The following COL22A1 variants were observed in gnomAD, a reference collection of about 807,000 sequenced individuals.
COL22A1 encodes the protein collagen alpha-1(XXII) chain.
Under a neutral mutation model 248.9 loss-of-function variants are expected in COL22A1, and 221 were observed. The ratio of observed to expected loss-of-function variants is 0.89; its 90% CI spans 0.80 to 0.99. The LOEUF (loss-of-function observed/expected upper bound fraction) is 0.99. Among genes scored for constraint, COL22A1 ranks in the 50% least tolerant of loss-of-function variants. The pLI is 0.00. For synonymous variants in COL22A1, 891 were observed against 793.4 expected (o/e 1.12, Z -2.07); for missense variants, 2,240 against 2,179.0 (o/e 1.03, Z -0.56).
intron 10 of COL22A1, among the ~76,000 whole-genome samples, chr8:138,805,491 TG>T (rs986104806): frequency 2.3e-5 from 3 of 130,394 alleles, no homozygotes; most frequent in Non-Finnish European, 3.3e-5. Context: ...TGGCATGTGA[TG>T]GTGTGTGTGT....
intron 48 of COL22A1, among the ~76,000 whole-genome samples, chr8:138,635,677 A>G (rs1821094355): frequency 6.6e-6 from 1 of 152,212 alleles, no homozygotes. Flanking sequence ...ATGAAACCAA[A>G]TAAACCACCA....
At chr8:138,744,066 A>C (rs2131302601) in intron 22 of COL22A1, among the ~76,000 whole-genome samples, 1 of 152,296 alleles carries the variant, frequency 6.6e-6, no homozygotes, top group South Asian at 2.1e-4. Flanking sequence ...CGCAGGGAAA[A>C]CCCAGGGTGT....
At chr8:138,700,390 C>A (rs1055044148) in intron 31 of COL22A1, among the ~76,000 whole-genome samples, 4 of 152,162 alleles carry the variant, frequency 2.6e-5, no homozygotes, top group African/African-American at 9.7e-5. Context: ...AGCTCCAAAC[C>A]CTGTGTGACC....
At chr8:138,653,517 C>T (rs1822942065) in intron 45 of COL22A1, among the ~76,000 whole-genome samples, 1 of 152,182 alleles carries the variant, frequency 6.6e-6, no homozygotes. Context: ...CAGACAGCAA[C>T]AGAAACCACT....
rs567422065 is a variant in COL22A1 at position 138,742,295 on chromosome 8, G to C, written c.2086-4718C>G. On this transcript the variant is annotated intron_variant, in intron 22 of 64. Coordinates refer to ENST00000303045, the MANE Select transcript of COL22A1 (RefSeq NM_152888.3). ...GGTGATGGAGTTGATGGTGATGGTG[G>C]TAGTGATTGTGATGGTGATGGTGGA... Among the ~76,000 whole-genome samples the C allele has an allele frequency of 9.5e-3, 1,438 of 150,614 alleles. 45 individuals carry two copies. The highest frequency in any genetic ancestry group is 0.034 in the African/African-American group (1,373 of 40,680).
chr8:138,889,872 T>G (rs146560819), intron 1 of COL22A1, among the ~76,000 whole-genome samples: 1 of 152,324 alleles, frequency 6.6e-6, no homozygotes, highest in Non-Finnish European at 1.5e-5. Context: ...TTATCAATGT[T>G]GTAATCTCCA....
chr8:138,888,155 G>C (rs1024123725), intron 1 of COL22A1, among the ~76,000 whole-genome samples: 5 of 152,132 alleles, frequency 3.3e-5, no homozygotes, highest in African/African-American at 1.2e-4. Context: ...CCTGTGCCAG[G>C]TGCTGAGGAT....
intron 23 of COL22A1, among the ~76,000 whole-genome samples, chr8:138,733,267 G>A (rs903575453): frequency 8.5e-5 from 13 of 152,160 alleles, no homozygotes; most frequent in Admixed American, 7.9e-4. Context: ...CCAGGATACA[G>A]GAGTCACCAC....
rs1832880900 is a variant in COL22A1, at chr8:138,755,043, G to GTGA, written c.2031+111_2031+113dup. 4.7e-5 allele frequency: 49 copies of GTGA among 1,050,254 alleles called. No homozygotes were observed. In the South Asian group the frequency reaches 6.3e-4, roughly 14 times the overall value. The allele number at this position is 1,050,254 out of a possible 1,614,324, so 65.1% of individuals were successfully genotyped here. ...CAACAGCACAACCCACTCAGGTGAT[G>GTGA]TGAAGGCGCTTGAGATAATGCCATG... On this transcript the variant is annotated intron_variant, in intron 21 of 64. Coordinates refer to ENST00000303045, the MANE Select transcript of COL22A1 (RefSeq NM_152888.3).
At chr8:138,616,885 G>A in intron 54 of COL22A1, 29 bp downstream of exon 54, 1 of 1,613,814 alleles carries the variant, frequency 6.2e-7, no homozygotes, top group Non-Finnish European at 8.5e-7. Flanking sequence ...CCCACCTGGG[G>A]GGACCTCCAA....
At chr8:138,867,895 G>A (rs1205355191) in intron 3 of COL22A1, among the ~76,000 whole-genome samples, 1 of 152,152 alleles carries the variant, frequency 6.6e-6, no homozygotes, top group Non-Finnish European at 1.5e-5. Flanking sequence ...CTCCTGAGCA[G>A]CTGGGATTAT....
At chr8:138,616,702 TG>T (rs1469775375) in intron 54 of COL22A1, among the ~76,000 whole-genome samples, 1 of 152,224 alleles carries the variant, frequency 6.6e-6, no homozygotes, top group African/African-American at 2.4e-5. Flanking sequence ...CCATGATGTC[TG>T]GCCCCCAGAA....
chr8:138,830,424 T>C (rs1819951402), intron 5 of COL22A1, among the ~76,000 whole-genome samples: 1 of 152,262 alleles, frequency 6.6e-6, no homozygotes, highest in South Asian at 2.1e-4. Context: ...TAAAGTTTTA[T>C]GTATATGTGT....
intron 56 of COL22A1, among the ~76,000 whole-genome samples, chr8:138,610,645 G>T (rs1312360438): frequency 1.3e-5 from 2 of 152,140 alleles, no homozygotes; most frequent in Non-Finnish European, 2.9e-5. Context: ...GCGGCCTCTG[G>T]GGGCCTTGGG....
At chr8:138,845,785 A>G (rs1374476931) in intron 3 of COL22A1, among the ~76,000 whole-genome samples, 2 of 152,184 alleles carry the variant, frequency 1.3e-5, no homozygotes, top group Non-Finnish European at 2.9e-5. Context: ...TGCCCACAAC[A>G]GCACTGAAAG....
intron 16 of COL22A1, among the ~76,000 whole-genome samples, chr8:138,764,297 C>T (rs958396203): frequency 6.6e-6 from 1 of 152,194 alleles, no homozygotes; most frequent in Non-Finnish European, 1.5e-5. Flanking sequence ...TGTGTGGCTG[C>T]TCCTATCTCT....
At chr8:138,724,110 C>T (rs1830113604) in intron 25 of COL22A1, among the ~76,000 whole-genome samples, 1 of 152,178 alleles carries the variant, frequency 6.6e-6, no homozygotes, top group African/African-American at 2.4e-5. Flanking sequence ...GAGCTGCAAG[C>T]CAACTTTAAC....
At chr8:138,740,539 T>G (rs1242660782) in intron 22 of COL22A1, among the ~76,000 whole-genome samples, 3 of 152,114 alleles carry the variant, frequency 2.0e-5, no homozygotes, top group Non-Finnish European at 4.4e-5. Context: ...ACACCTAAGT[T>G]GACAACAGGA....
In COL22A1 at chr8:138,895,524, CAT is replaced by C. The variant is rs1311381724; in HGVS notation, c.-72-12282_-72-12281del. On this transcript the variant is annotated intron_variant, in intron 1 of 64. Transcript: ENST00000303045. The stretch of plus-strand genomic sequence containing the variant: ...AAATACAATAACAACATTTAGAAAA[CAT>C]AGAGCAGGCCTAAAACTAGACTGGA... Among the ~76,000 whole-genome samples the C allele has an allele frequency of 7.9e-5, 12 of 151,614 alleles. No homozygotes were observed. The South Asian group carries it at 2.3e-3, about 29-fold the overall frequency.
Sources: gnomAD v4.1 joint callset for allele counts (sites outside exome capture counted in the v4.1 genomes callset) on GRCh38, gnomAD v4.1.1 for gene constraint, MANE v1.5 for transcripts, NCBI Gene and HGNC (gene_info 2026-07-23, HGNC 2026-07-21) for gene names.